POU6F2: variants seen among roughly 807,000 people sequenced by gnomAD.
POU6F2 encodes POU domain, class 6, transcription factor 2.
A neutral mutation model predicts 71.3 loss-of-function variants in POU6F2; 31 were observed. The ratio of observed to expected loss-of-function variants is 0.43; its 90% CI spans 0.33 to 0.59. The LOEUF is 0.59. Among genes scored for constraint, POU6F2 ranks in the 20% least tolerant of loss-of-function variants. The probability of loss-of-function intolerance (pLI) is 0.04; values close to 1 mark genes in which losing one functional copy is unlikely to be tolerated. For missense variants in POU6F2, 783 were observed against 856.8 expected (o/e 0.91, Z 1.07); for synonymous variants, 347 against 355.7 (o/e 0.98, Z 0.27).
At chr7:39,200,711 A>G (rs1054829307) in intron 2 of POU6F2, among the ~76,000 whole-genome samples, 1 of 152,186 alleles carries the variant, frequency 6.6e-6, no homozygotes, top group Non-Finnish European at 1.5e-5. Context: ...AAATATTATT[A>G]GATTAAATAC....
At chr7:39,310,601 A>T (rs1317577414) in intron 4 of POU6F2, among the ~76,000 whole-genome samples, 2 of 152,268 alleles carry the variant, frequency 1.3e-5, no homozygotes, top group Non-Finnish European at 2.9e-5. Context: ...ACCATTACGC[A>T]TCAGTGTGTA....
chr7:38,998,106 G>A (rs3905335), intron 1 of POU6F2, among the ~76,000 whole-genome samples: 10,713 of 152,160 alleles, frequency 0.07, 507 homozygotes, highest in Admixed American at 0.13. Flanking sequence ...TATTTTCTCC[G>A]AAGAATTTTT....
intron 1 of POU6F2, among the ~76,000 whole-genome samples, chr7:39,040,580 G>GA (rs1445554596): frequency 1.3e-5 from 2 of 151,648 alleles, no homozygotes; most frequent in East Asian, 1.9e-4. Context: ...AAAACAACTG[G>GA]AAAAAAATGT....
At chr7:39,086,984 T>C (rs979572009) in intron 2 of POU6F2, among the ~76,000 whole-genome samples, 12 of 151,472 alleles carry the variant, frequency 7.9e-5, no homozygotes, top group African/African-American at 2.7e-4. Context: ...CATAGACATA[T>C]ATATACATAC....
chr7:39,443,395 G>A lies in POU6F2; in HGVS notation c.1321-8138G>A, dbSNP rs116684622. 9.2e-3 allele frequency among the ~76,000 whole-genome samples: 1,403 copies of A among 152,306 alleles called. 23 individuals are homozygous for A. The highest frequency in any genetic ancestry group is 0.033 in the African/African-American group (1,356 of 41,544). The stretch of plus-strand genomic sequence containing the variant: ...TGAGCGCAGCGGAAAAGAGCAATGC[G>A]GGAACCATCTCAAATACCCAAGTCA... On this transcript the variant is annotated intron_variant, in intron 7 of 9. Transcript: ENST00000518318.
intron 6 of POU6F2, among the ~76,000 whole-genome samples, chr7:39,415,548 T>A (rs894685572): frequency 2.0e-5 from 3 of 152,210 alleles, no homozygotes; most frequent in African/African-American, 7.2e-5. Context: ...GTCTGACATA[T>A]TAGATCTTTC....
intron 2 of POU6F2, among the ~76,000 whole-genome samples, chr7:39,180,436 C>T (rs984078622): frequency 5.9e-5 from 9 of 152,094 alleles, no homozygotes; most frequent in African/African-American, 2.2e-4. Context: ...AAATGTGTCC[C>T]CCACCACTTC....
At chr7:39,375,852 G>C (rs1240245013) in intron 5 of POU6F2, among the ~76,000 whole-genome samples, 1 of 152,094 alleles carries the variant, frequency 6.6e-6, no homozygotes, top group Non-Finnish European at 1.5e-5. Context: ...CAATTTGGGG[G>C]TGGAGTTTTT....
At chr7:39,286,816 A>G (rs1250755062) in intron 4 of POU6F2, among the ~76,000 whole-genome samples, 4 of 152,150 alleles carry the variant, frequency 2.6e-5, no homozygotes, top group Non-Finnish European at 5.9e-5. Flanking sequence ...AGACTGGAGT[A>G]CAGTGGTATG....
At chr7:39,257,493 A>G (rs1442427426) in intron 4 of POU6F2, among the ~76,000 whole-genome samples, 1 of 152,114 alleles carries the variant, frequency 6.6e-6, no homozygotes, top group Non-Finnish European at 1.5e-5. Flanking sequence ...TGTTATCTAG[A>G]AACAAAAGCT....
At chr7:39,412,734 C>T (rs1787575558) in intron 6 of POU6F2, among the ~76,000 whole-genome samples, 1 of 140,660 alleles carries the variant, frequency 7.1e-6, no homozygotes, top group African/African-American at 2.6e-5. Flanking sequence ...GTTTAACCAC[C>T]TAGATATTAA....
chr7:39,333,000 G>T (rs564180572), intron 4 of POU6F2, among the ~76,000 whole-genome samples: 98 of 152,102 alleles, frequency 6.4e-4, no homozygotes, highest in African/African-American at 2.2e-3. Flanking sequence ...GCCTAGATGG[G>T]GTTATTCTGC....
chr7:39,206,180 T>C (rs1794008123), intron 3 of POU6F2, among the ~76,000 whole-genome samples: 1 of 152,156 alleles, frequency 6.6e-6, no homozygotes. Flanking sequence ...GAACAACAGA[T>C]ACAGGATTAT....
chr7:39,311,401 C>A (rs1278182317), intron 4 of POU6F2, among the ~76,000 whole-genome samples: 1 of 152,138 alleles, frequency 6.6e-6, no homozygotes, highest in Non-Finnish European at 1.5e-5. Context: ...ACACTGATCA[C>A]CTTTTTACAC....
chr7:39,150,503 G>A (rs1363548081), intron 2 of POU6F2, among the ~76,000 whole-genome samples: 1 of 111,994 alleles, frequency 8.9e-6, no homozygotes, highest in Non-Finnish European at 1.7e-5. Context: ...GTCTCACTCT[G>A]TTTCCCAGGC....
chr7:39,341,951 G>A (rs1190428874), intron 5 of POU6F2, among the ~76,000 whole-genome samples: 3 of 152,194 alleles, frequency 2.0e-5, no homozygotes, highest in East Asian at 1.9e-4. Context: ...TCCCAGGGCT[G>A]TTTGTTTTGT....
At chr7:39,210,970 T>C (rs1794131985) in intron 4 of POU6F2, among the ~76,000 whole-genome samples, 2 of 152,268 alleles carry the variant, frequency 1.3e-5, no homozygotes, top group East Asian at 3.9e-4. Context: ...AAGTCCAGGA[T>C]CAAGGCACAG....
At position 39,180,524 on chromosome 7, in the gene POU6F2, G is replaced by A. The variant is rs147882020; in HGVS notation, c.278-23711G>A. Among the ~76,000 whole-genome samples, 433 of 152,206 alleles carry A rather than the reference G, an allele frequency of 2.8e-3. 3 individuals carry two copies. The highest frequency in any genetic ancestry group is 4.8e-3 in the Non-Finnish European group (329 of 68,016). Reference sequence around the variant, plus strand: ...CTCCACCAGGCTTTGATGCTCCCAGGGATTAGCTTGTGTCTGTGCCAAAGA... The same window carrying A: ...CTCCACCAGGCTTTGATGCTCCCAGAGATTAGCTTGTGTCTGTGCCAAAGA... On this transcript the variant is annotated intron_variant, in intron 2 of 9. Coordinates refer to ENST00000518318, the MANE Select transcript of POU6F2 (RefSeq NM_001370959.1).
intron 8 of POU6F2, among the ~76,000 whole-genome samples, chr7:39,454,432 C>A (rs1473664868): frequency 6.6e-6 from 1 of 151,570 alleles, no homozygotes; most frequent in Non-Finnish European, 1.5e-5. Context: ...TTCTGATGAC[C>A]AGCCACTATC....
Sources: gnomAD v4.1 joint callset for allele counts (sites outside exome capture counted in the v4.1 genomes callset) on GRCh38, gnomAD v4.1.1 for gene constraint, MANE v1.5 for transcripts, NCBI Gene and HGNC (gene_info 2026-07-23, HGNC 2026-07-21) for gene names.